Variants in ELAPOR1 observed in about 807,000 individuals in gnomAD.
ELAPOR1 encodes endosome/lysosome-associated apoptosis and autophagy regulator 1.
A neutral mutation model predicts 119.7 loss-of-function variants in ELAPOR1; 77 were observed. That is an observed-to-expected ratio of 0.64 (90% CI 0.54 to 0.78). The LOEUF is 0.78. Ranked by LOEUF, ELAPOR1 falls within the 30% of genes least tolerant of loss-of-function variation. The probability of loss-of-function intolerance (pLI) is 0.00; values close to 1 mark genes in which losing one functional copy is unlikely to be tolerated. For synonymous variants in ELAPOR1, 481 were observed against 487.2 expected (o/e 0.99, Z 0.17); for missense variants, 1,115 against 1,270.4 (o/e 0.88, Z 1.86).
chr1:109,140,170 A>G (rs1649739709), intron 1 of ELAPOR1, among the ~76,000 whole-genome samples: 1 of 152,222 alleles, frequency 6.6e-6, no homozygotes, highest in African/African-American at 2.4e-5. Context: ...AGTGTCTTGT[A>G]GACTACTATG....
intron 1 of ELAPOR1, among the ~76,000 whole-genome samples, chr1:109,130,046 C>T (rs952810679): frequency 1.3e-5 from 2 of 152,188 alleles, no homozygotes; most frequent in African/African-American, 4.8e-5. Context: ...GCTTACAGCT[C>T]CATCACTCCA....
intron 1 of ELAPOR1, among the ~76,000 whole-genome samples, chr1:109,161,359 A>T (rs1332592946): frequency 6.6e-6 from 1 of 150,918 alleles, no homozygotes; most frequent in Non-Finnish European, 1.5e-5. Flanking sequence ...ACGGTGAGCC[A>T]AGATCATCCC....
chr1:109,199,710 G>T (rs1395188801), intron 18 of ELAPOR1, 144 bp from the exon 19 acceptor site: 10 of 918,434 alleles, frequency 1.1e-5, no homozygotes, highest in Non-Finnish European at 1.6e-5. Flanking sequence ...CTGTGTTAAG[G>T]ACTAGTTGGA....
chr1:109,118,228 A>G (rs1307893420), intron 1 of ELAPOR1, among the ~76,000 whole-genome samples: 3 of 152,176 alleles, frequency 2.0e-5, no homozygotes, highest in African/African-American at 7.2e-5. Flanking sequence ...GTAGGCAGAG[A>G]TGGAGGAAGG....
At chr1:109,163,478 G>A (rs993936632) in intron 2 of ELAPOR1, among the ~76,000 whole-genome samples, 1 of 151,934 alleles carries the variant, frequency 6.6e-6, no homozygotes, top group Admixed American at 6.6e-5. Context: ...CTGTAGCCTC[G>A]ACCTCCTGGG....
At chr1:109,177,213 G>A (rs1204546167) in intron 7 of ELAPOR1, among the ~76,000 whole-genome samples, 1 of 147,038 alleles carries the variant, frequency 6.8e-6, no homozygotes, top group Non-Finnish European at 1.5e-5. Context: ...CTCCTGGACG[G>A]GGCGGCTGGC....
At position 109,200,718 on chromosome 1, in the gene ELAPOR1, A is replaced by AT; in HGVS notation, c.2808-16dup. On this transcript the variant is annotated splice_polypyrimidine_tract_variant and intron_variant, in intron 20 of 21. Transcript: ENST00000369939. ...CACATTTTGGGATCTTGTCTTTCCC[A>AT]TCCTCCTGTTTTATAGACTAGAGTA... The AT allele has an allele frequency of 6.2e-7, 1 of 1,609,206 alleles. No homozygotes were observed. Among genetic ancestry groups the AT allele is most frequent in the East Asian group, 2.2e-5 (1 of 44,758 alleles).
intron 5 of ELAPOR1, 82 bp downstream of exon 5, chr1:109,172,650 T>C: frequency 1.0e-6 from 1 of 992,026 alleles, no homozygotes; most frequent in Non-Finnish European, 1.6e-6. Flanking sequence ...CCTCCCAGTC[T>C]GAGCCTCCAC....
chr1:109,127,609 C>T (rs1648872951), intron 1 of ELAPOR1, among the ~76,000 whole-genome samples: 1 of 152,086 alleles, frequency 6.6e-6, no homozygotes, highest in South Asian at 2.1e-4. Context: ...ACTCTTCACC[C>T]AGGCTGGAGT....
At chr1:109,196,517 A>G (rs1653801071) in intron 15 of ELAPOR1, among the ~76,000 whole-genome samples, 1 of 151,756 alleles carries the variant, frequency 6.6e-6, no homozygotes, top group Non-Finnish European at 1.5e-5. Context: ...TTTTTTATCT[A>G]CTCCTTTCCT....
Position 109,197,803 on chromosome 1 carries a change from CTCT to C in ELAPOR1, c.2302+150_2302+152del, listed in dbSNP as rs1653921432. On this transcript the variant is annotated intron_variant, in intron 16 of 21. Coordinates refer to ENST00000369939, the MANE Select transcript of ELAPOR1 (RefSeq NM_020775.5). ...CTCTTGACCTGTGTTTTCTATTCCA[CTCT>C]GTGTGCAAAGTGCTCCCAGGGACTC... is the stretch of plus-strand genomic sequence containing the variant. The C allele has an allele frequency of 1.0e-5, 11 of 1,067,668 alleles. No individual in the cohort carries two copies. In the South Asian group the frequency reaches 1.6e-4, roughly 15 times the overall value. The allele number at this position is 1,067,668 out of a possible 1,614,324, so 66.1% of individuals were successfully genotyped here.
At chr1:109,131,111 G>A (rs973382779) in intron 1 of ELAPOR1, among the ~76,000 whole-genome samples, 8 of 152,206 alleles carry the variant, frequency 5.3e-5, no homozygotes, top group Non-Finnish European at 1.2e-4. Context: ...TCATCCAAAA[G>A]CTTGTTTGGA....
chr1:109,139,011 T>C (rs1169344237), intron 1 of ELAPOR1, among the ~76,000 whole-genome samples: 2 of 152,116 alleles, frequency 1.3e-5, no homozygotes, highest in East Asian at 3.9e-4. Flanking sequence ...GGCCCCCTAG[T>C]TCTCCTCCTA....
intron 21 of ELAPOR1, among the ~76,000 whole-genome samples, chr1:109,202,398 G>A (rs1248650757): frequency 2.7e-5 from 4 of 150,480 alleles, no homozygotes; most frequent in Admixed American, 2.0e-4. Context: ...GGGATCACAG[G>A]TGTGAGCCAC....
intron 1 of ELAPOR1, among the ~76,000 whole-genome samples, chr1:109,142,498 C>A (rs900065591): frequency 1.3e-5 from 2 of 152,218 alleles, no homozygotes; most frequent in African/African-American, 4.8e-5. Context: ...GAGCGTGGAG[C>A]TGGGAAGAGG....
chr1:109,114,352 T>C lies in ELAPOR1; in HGVS notation c.153+16T>C, dbSNP rs751537648. Reference sequence around the variant, plus strand: ...CTGCAAAGAGGTACTGCCGCCCCCCTACCCGATCCCGCTTTGGTCACAAAA... The same window carrying C: ...CTGCAAAGAGGTACTGCCGCCCCCCCACCCGATCCCGCTTTGGTCACAAAA... On this transcript the variant is annotated intron_variant, in intron 1 of 21. Transcript: ENST00000369939. 4.5e-6 allele frequency: 7 copies of C among 1,565,034 alleles called. No homozygotes were observed. In the African/African-American group the frequency reaches 8.2e-5, roughly 18 times the overall value.
rs182975780 is a variant in ELAPOR1 at position 109,201,085 on chromosome 1, C to T, written c.2973+185C>T. ...CTGTGTTTCTACACCAATACTCTTT[C>T]CCCCGGGGCCCAAGGCTGCTCTTGA... On this transcript the variant is annotated intron_variant, in intron 21 of 21. Transcript: ENST00000369939. Among the ~76,000 whole-genome samples the T allele has an allele frequency of 7.2e-5, 11 of 152,310 alleles. No homozygotes were observed. The East Asian group carries it at 2.1e-3, about 29-fold the overall frequency.
chr1:109,191,901 C>T (rs771483930), intron 13 of ELAPOR1, 38 bp downstream of exon 13: 3 of 1,610,250 alleles, frequency 1.9e-6, no homozygotes, highest in East Asian at 4.5e-5. Context: ...CAGGAGAGAC[C>T]CTCTGAACCC....
chr1:109,148,301 G>A (rs931227283), intron 1 of ELAPOR1, among the ~76,000 whole-genome samples: 3 of 147,970 alleles, frequency 2.0e-5, no homozygotes, highest in Non-Finnish European at 4.5e-5. Flanking sequence ...ACCACGCCTG[G>A]TTAATTTTTG....
Sources: allele counts gnomAD v4.1 joint callset (sites outside exome capture counted in the v4.1 genomes callset), GRCh38; gene constraint gnomAD v4.1.1; transcripts MANE v1.5; gene names NCBI Gene and HGNC (gene_info 2026-07-23, HGNC 2026-07-21).